FGF14: variants seen among roughly 807,000 people sequenced by gnomAD.
The protein encoded by FGF14 is fibroblast growth factor 14.
In FGF14, 5 loss-of-function variants were observed where a neutral mutation model predicts 25.5. The ratio of observed to expected loss-of-function variants is 0.20; its 90% CI spans 0.10 to 0.41. The LOEUF (loss-of-function observed/expected upper bound fraction) is 0.41. Among genes scored for constraint, FGF14 ranks in the 10% least tolerant of loss-of-function variants. The pLI, the probability that FGF14 is intolerant of heterozygous loss-of-function variation, is 1.00. For synonymous variants in FGF14, 138 were observed against 118.3 expected (o/e 1.17, Z -1.08); for missense variants, 222 against 320.1 (o/e 0.69, Z 2.34).
At chr13:101,861,364 G>T (rs1188668404) in intron 3 of FGF14, among the ~76,000 whole-genome samples, 1 of 151,892 alleles carries the variant, frequency 6.6e-6, no homozygotes, top group Non-Finnish European at 1.5e-5. Flanking sequence ...CCTGCTTCTG[G>T]GCTTTATTTT....
intron 1 of FGF14, among the ~76,000 whole-genome samples, chr13:102,351,668 C>T (rs1412333358): frequency 1.3e-5 from 2 of 152,198 alleles, no homozygotes; most frequent in South Asian, 2.1e-4. Flanking sequence ...TCTAAGCTGG[C>T]GTCTTCACAT....
At chr13:101,792,623 G>A (rs2040302026) in intron 3 of FGF14, among the ~76,000 whole-genome samples, 1 of 152,130 alleles carries the variant, frequency 6.6e-6, no homozygotes, top group East Asian at 1.9e-4. Context: ...ATTGTTGTTA[G>A]TTGTAAATCC....
chr13:102,291,348 A>G (rs560481786), intron 1 of FGF14, among the ~76,000 whole-genome samples: 1 of 152,162 alleles, frequency 6.6e-6, no homozygotes, highest in Non-Finnish European at 1.5e-5. Flanking sequence ...TCCTACCTTC[A>G]GATTAGAGAA....
At chr13:102,186,577 A>G (rs1369813182) in intron 1 of FGF14, among the ~76,000 whole-genome samples, 4 of 152,312 alleles carry the variant, frequency 2.6e-5, no homozygotes, top group South Asian at 2.1e-4. Flanking sequence ...ATAATTCTCA[A>G]TGTGAATATG....
intron 1 of FGF14, among the ~76,000 whole-genome samples, chr13:102,377,325 C>T (rs2058063970): frequency 6.6e-6 from 1 of 151,966 alleles, no homozygotes; most frequent in Admixed American, 6.6e-5. Context: ...TGGGAATGAC[C>T]ATAAAATTCA....
intron 1 of FGF14, among the ~76,000 whole-genome samples, chr13:101,913,022 C>T (rs978761250): frequency 2.0e-5 from 3 of 152,140 alleles, no homozygotes; most frequent in African/African-American, 7.2e-5. Flanking sequence ...TAAACAACAA[C>T]AGTGACGTAT....
At chr13:102,111,878 GTTTA>G (rs938522054) in intron 1 of FGF14, among the ~76,000 whole-genome samples, 1 of 151,792 alleles carries the variant, frequency 6.6e-6, no homozygotes, top group African/African-American at 2.4e-5. Context: ...CAACTTTGTA[GTTTA>G]TTGTCTCCTG....
At chr13:102,326,042 A>T in intron 1 of FGF14, among the ~76,000 whole-genome samples, 1 of 152,350 alleles carries the variant, frequency 6.6e-6, no homozygotes, top group East Asian at 1.9e-4. Flanking sequence ...AGGAAAACTA[A>T]TCATCTCTGT....
At chr13:101,792,191 G>C (rs1468756338) in intron 3 of FGF14, among the ~76,000 whole-genome samples, 2 of 152,046 alleles carry the variant, frequency 1.3e-5, no homozygotes, top group African/African-American at 4.8e-5. Flanking sequence ...TGGCAAGAGT[G>C]GTATAAAGAT....
chr13:102,147,601 T>A (rs9557815), intron 1 of FGF14, among the ~76,000 whole-genome samples: 20,188 of 152,100 alleles, frequency 0.13, 1,317 homozygotes, highest in East Asian at 0.15. Context: ...CTCTTGTACA[T>A]GTCAAAAATG....
At chr13:102,034,460 C>T (rs1336171565) in intron 1 of FGF14, among the ~76,000 whole-genome samples, 1 of 152,120 alleles carries the variant, frequency 6.6e-6, no homozygotes, top group Non-Finnish European at 1.5e-5. Flanking sequence ...GCCATCTAAA[C>T]ATTCTATCTG....
chr13:102,052,974 T>A (rs2042281284), intron 1 of FGF14, among the ~76,000 whole-genome samples: 1 of 152,098 alleles, frequency 6.6e-6, no homozygotes, highest in African/African-American at 2.4e-5. Context: ...TACAATAATA[T>A]GTTAACTGAT....
intron 1 of FGF14, among the ~76,000 whole-genome samples, chr13:102,283,521 G>A (rs2053949678): frequency 6.6e-6 from 1 of 152,180 alleles, no homozygotes; most frequent in South Asian, 2.1e-4. Flanking sequence ...ATCTTCAAAC[G>A]TTCACATTGA....
At position 101,974,889 on chromosome 13, in the gene FGF14, C is replaced by T. The variant is rs574658264; in HGVS notation, c.209-99593G>A. On this transcript the variant is annotated intron_variant, in intron 1 of 4. Coordinates refer to the FGF14 transcript ENST00000376131. Reference sequence around the variant, plus strand: ...CCCAGATCAGAAATAAGAGATTTCTCACTGAGTGTGATGTGATGGGTAAAG... The same window carrying T: ...CCCAGATCAGAAATAAGAGATTTCTTACTGAGTGTGATGTGATGGGTAAAG... Among the ~76,000 whole-genome samples, 6 of 152,210 alleles carry T rather than the reference C, an allele frequency of 3.9e-5. No homozygotes were observed. The East Asian group carries it at 1.2e-3, about 29-fold the overall frequency.
chr13:101,796,750 G>C (rs1436909231), intron 3 of FGF14, among the ~76,000 whole-genome samples: 1 of 152,020 alleles, frequency 6.6e-6, no homozygotes, highest in East Asian at 1.9e-4. Context: ...CCGGCACCTT[G>C]ATTTCAGAAT....
rs552387263 is a variant in FGF14, at chr13:102,120,513, A to G, written c.209-245217T>C. On this transcript the variant is annotated intron_variant, in intron 1 of 4. Transcript: ENST00000376131. ...CTAGGCCACTACCAGTGTTTTCACT[A>G]GAAGAGAAAGTAATTTTGGAAGCAG... Among the ~76,000 whole-genome samples, 5 of 152,292 alleles carry G rather than the reference A, an allele frequency of 3.3e-5. No individual in the cohort carries two copies. In the South Asian group the frequency reaches 1.0e-3, roughly 32 times the overall value.
At chr13:102,159,056 C>T (rs1165911184) in intron 1 of FGF14, among the ~76,000 whole-genome samples, 1 of 148,614 alleles carries the variant, frequency 6.7e-6, no homozygotes, top group Non-Finnish European at 1.5e-5. Flanking sequence ...AGGAGAATCA[C>T]TTGAACCCAG....
chr13:101,983,468 G>A (rs1030447238), intron 1 of FGF14, among the ~76,000 whole-genome samples: 1 of 152,128 alleles, frequency 6.6e-6, no homozygotes, highest in African/African-American at 2.4e-5. Flanking sequence ...TAAGATCCTT[G>A]TTATGAATAG....
In FGF14 at chr13:102,001,577, G is replaced by A. The variant is rs563524169; in HGVS notation, c.209-126281C>T. ...AAGAACATGGGTGTATCCCACACCC[G>A]TAAGAGTAACTCTGGAGCTGGGAAT... On this transcript the variant is annotated intron_variant, in intron 1 of 4. Coordinates refer to the FGF14 transcript ENST00000376131. Among the ~76,000 whole-genome samples the A allele has an allele frequency of 3.0e-3, 462 of 152,286 alleles. 4 individuals are homozygous for A. The highest frequency in any genetic ancestry group is 0.01 in the African/African-American group (431 of 41,556).
Sources: allele counts gnomAD v4.1 joint callset (sites outside exome capture counted in the v4.1 genomes callset), GRCh38; gene constraint gnomAD v4.1.1; transcripts MANE v1.5; gene names NCBI Gene and HGNC (gene_info 2026-07-23, HGNC 2026-07-21).